LOC128092252: variants seen among roughly 807,000 people sequenced by gnomAD.
the LOC128092252 span, among the ~76,000 whole-genome samples, chr15:50,661,514 T>C: frequency 6.6e-6 from 1 of 152,192 alleles, no homozygotes; most frequent in Admixed American, 6.5e-5. Flanking sequence ...AATGGAAATG[T>C]GTTTGTTGTG....
the LOC128092252 span, among the ~76,000 whole-genome samples, chr15:50,685,204 T>C: frequency 2.0e-5 from 3 of 152,222 alleles, no homozygotes; most frequent in Non-Finnish European, 4.4e-5. Flanking sequence ...GGCTCACGCC[T>C]GTAATCCCAG....
At chr15:50,652,061 G>C in the LOC128092252 span, among the ~76,000 whole-genome samples, 1 of 151,622 alleles carries the variant, frequency 6.6e-6, no homozygotes, top group African/African-American at 2.4e-5. Flanking sequence ...GGCCGGGTGC[G>C]GTGGCTCATG....
At chr15:50,658,314 C>A in the LOC128092252 span, among the ~76,000 whole-genome samples, 1 of 151,860 alleles carries the variant, frequency 6.6e-6, no homozygotes, top group Admixed American at 6.6e-5. Flanking sequence ...AGACAGTCCA[C>A]ACCTATAATT....
At chr15:50,670,722 G>C in the LOC128092252 span, among the ~76,000 whole-genome samples, 3 of 151,100 alleles carry the variant, frequency 2.0e-5, no homozygotes, top group African/African-American at 7.3e-5. Flanking sequence ...GCAGCCCTCA[G>C]GACTGCTCAA....
At chr15:50,660,207 G>C in the LOC128092252 span, among the ~76,000 whole-genome samples, 12 of 152,202 alleles carry the variant, frequency 7.9e-5, no homozygotes, top group South Asian at 1.0e-3. Flanking sequence ...CTAATGATTG[G>C]AAGAGATGTT....
the LOC128092252 span, among the ~76,000 whole-genome samples, chr15:50,676,156 T>C: frequency 6.6e-6 from 1 of 152,158 alleles, no homozygotes; most frequent in African/African-American, 2.4e-5. Context: ...AAGGGACATG[T>C]ATTACAAATA....
chr15:50,662,989 G>C, the LOC128092252 span: 3 of 1,613,466 alleles, frequency 1.9e-6, no homozygotes, highest in Non-Finnish European at 2.5e-6. Context: ...TTGGAACTTG[G>C]TATAATATAT....
At chr15:50,651,995 C>T in the LOC128092252 span, among the ~76,000 whole-genome samples, 1 of 151,776 alleles carries the variant, frequency 6.6e-6, no homozygotes, top group South Asian at 2.1e-4. Flanking sequence ...CTAAAAATAA[C>T]AGCAAATTAA....
At chr15:50,657,366 T>C in the LOC128092252 span, among the ~76,000 whole-genome samples, 2 of 152,198 alleles carry the variant, frequency 1.3e-5, no homozygotes, top group Non-Finnish European at 2.9e-5. Context: ...TAATTGCCTG[T>C]ACAATATCCT....
At chr15:50,669,104 A>T in the LOC128092252 span, among the ~76,000 whole-genome samples, 3 of 152,110 alleles carry the variant, frequency 2.0e-5, no homozygotes, top group African/African-American at 7.2e-5. Context: ...TTTACCCAAT[A>T]CATAAAGGTA....
At chr15:50,649,352 T>C in the LOC128092252 span, among the ~76,000 whole-genome samples, 2 of 151,858 alleles carry the variant, frequency 1.3e-5, no homozygotes, top group African/African-American at 4.8e-5. Context: ...GGTGGGAGGC[T>C]TGGTTGAGCC....
the LOC128092252 span, among the ~76,000 whole-genome samples, chr15:50,684,993 GTCTTTT>G: frequency 1.3e-5 from 2 of 152,122 alleles, no homozygotes; most frequent in Non-Finnish European, 2.9e-5. Flanking sequence ...AAAAGTCCTT[GTCTTTT>G]TAGACATAAA....
the LOC128092252 span, among the ~76,000 whole-genome samples, chr15:50,667,870 T>C: frequency 2.6e-5 from 4 of 152,212 alleles, no homozygotes; most frequent in Admixed American, 2.0e-4. Flanking sequence ...TTGCCAAATA[T>C]GAAATGGTGT....
At chr15:50,673,893 T>G in the LOC128092252 span, among the ~76,000 whole-genome samples, 2 of 152,208 alleles carry the variant, frequency 1.3e-5, no homozygotes, top group African/African-American at 4.8e-5. Context: ...TGTAGAAGTG[T>G]TCCCTGTTTA....
At chr15:50,679,480 A>C in the LOC128092252 span, among the ~76,000 whole-genome samples, 11 of 140,258 alleles carry the variant, frequency 7.8e-5, no homozygotes, top group South Asian at 2.2e-3. Flanking sequence ...TCATTTATAT[A>C]TATATATATT....
the LOC128092252 span, among the ~76,000 whole-genome samples, chr15:50,671,991 T>G: frequency 6.6e-6 from 1 of 152,154 alleles, no homozygotes; most frequent in East Asian, 1.9e-4. Flanking sequence ...TGTTACTGAT[T>G]TATGTATTTA....
At chr15:50,670,414 AG>A in the LOC128092252 span, among the ~76,000 whole-genome samples, 2 of 152,134 alleles carry the variant, frequency 1.3e-5, no homozygotes, top group Non-Finnish European at 2.9e-5. Context: ...CTGATAAAAC[AG>A]GTTGCACTAA....
At chr15:50,680,603 T>A in the LOC128092252 span, among the ~76,000 whole-genome samples, 1 of 151,878 alleles carries the variant, frequency 6.6e-6, no homozygotes, top group Non-Finnish European at 1.5e-5. Context: ...ACAACTGAGT[T>A]GTAAATTATC....
the LOC128092252 span, among the ~76,000 whole-genome samples, chr15:50,662,220 G>A: frequency 6.6e-6 from 1 of 151,896 alleles, no homozygotes; most frequent in Non-Finnish European, 1.5e-5. Context: ...GGCTGTGGTG[G>A]CACATGCCTG....
Sources: allele counts gnomAD v4.1 joint callset (sites outside exome capture counted in the v4.1 genomes callset), GRCh38; gene constraint gnomAD v4.1.1; transcripts MANE v1.5.